The following TLE4 variants were observed in gnomAD, a reference collection of about 807,000 sequenced individuals.
TLE4 encodes the protein TLE family member 4, transcriptional corepressor.
A neutral mutation model predicts 92.8 loss-of-function variants in TLE4; 8 were observed. The ratio of observed to expected loss-of-function variants is 0.09; its 90% CI spans 0.05 to 0.16. The LOEUF is 0.16. TLE4 is among the 10% of genes least tolerant of loss of function. The pLI is 1.00. For missense variants in TLE4, 675 were observed against 997.6 expected (o/e 0.68, Z 4.36); for synonymous variants, 371 against 374.1 (o/e 0.99, Z 0.10).
chr9:79,610,463 G>GGA (rs1451037321), intron 4 of TLE4, among the ~76,000 whole-genome samples: 1 of 152,006 alleles, frequency 6.6e-6, no homozygotes, highest in African/African-American at 2.4e-5. Context: ...GATGACCATG[G>GGA]GAGCAGCAGT....
At chr9:79,704,517 T>C (rs1310923539) in intron 8 of TLE4, 1 of 455,852 alleles carries the variant, frequency 2.2e-6, no homozygotes, top group Non-Finnish European at 3.9e-6. Flanking sequence ...TTTTATTTCC[T>C]CTCCTCCCTC....
chr9:79,719,749 G>A (rs2075262264), intron 15 of TLE4, among the ~76,000 whole-genome samples: 1 of 152,212 alleles, frequency 6.6e-6, no homozygotes, highest in African/African-American at 2.4e-5. Context: ...GTGTGTATCT[G>A]TGTGTGCAAA....
At chr9:79,655,362 T>C (rs946205026) in intron 8 of TLE4, among the ~76,000 whole-genome samples, 2 of 152,218 alleles carry the variant, frequency 1.3e-5, no homozygotes, top group East Asian at 3.9e-4. Flanking sequence ...GAGCTATGTA[T>C]ATGAATGCTA....
intron 8 of TLE4, among the ~76,000 whole-genome samples, chr9:79,667,094 G>A (rs745674612): frequency 3.3e-5 from 5 of 152,130 alleles, no homozygotes; most frequent in Admixed American, 6.5e-5. Flanking sequence ...CTACAGCTGC[G>A]CCCAGATCTA....
At chr9:79,627,320 C>A (rs377250792) in intron 5 of TLE4, 54 bp from the exon 6 acceptor site, 3 of 1,584,496 alleles carry the variant, frequency 1.9e-6, no homozygotes, top group African/African-American at 2.7e-5. Context: ...AAAAGCTGTT[C>A]TTGACTGAGT....
In TLE4 at chr9:79,677,434, T is replaced by C. The variant is rs113177779; in HGVS notation, c.609+23359T>C. Reference sequence around the variant, plus strand: ...GCCAGGCATTGGGCTGTGTGCCTTATGTATGTTGTCTCATTCTAAGATTTC... The same window carrying C: ...GCCAGGCATTGGGCTGTGTGCCTTACGTATGTTGTCTCATTCTAAGATTTC... On this transcript the variant is annotated intron_variant, in intron 8 of 19. Coordinates refer to ENST00000376552, the MANE Select transcript of TLE4 (RefSeq NM_007005.6). Among the ~76,000 whole-genome samples the C allele has an allele frequency of 8.9e-4, 135 of 152,252 alleles. 1 individual carries two copies. The highest frequency in any genetic ancestry group is 2.8e-3 in the African/African-American group (117 of 41,556).
chr9:79,662,889 A>G (rs969789582), intron 8 of TLE4, among the ~76,000 whole-genome samples: 2 of 152,070 alleles, frequency 1.3e-5, no homozygotes, highest in East Asian at 1.9e-4. Flanking sequence ...CTATTGATCT[A>G]TTCACTGGCT....
chr9:79,674,373 T>C (rs1426797788), intron 8 of TLE4, among the ~76,000 whole-genome samples: 1 of 152,138 alleles, frequency 6.6e-6, no homozygotes, highest in Non-Finnish European at 1.5e-5. Context: ...AGAACATAAG[T>C]GATGAGCTGA....
intron 8 of TLE4, among the ~76,000 whole-genome samples, chr9:79,660,731 A>AAAAATG (rs2060410686): frequency 6.6e-6 from 1 of 152,204 alleles, no homozygotes. Context: ...AGGTGTCCTA[A>AAAAATG]TTCTAGAAAA....
At chr9:79,651,543 AAC>A (rs2058993058) in intron 6 of TLE4, among the ~76,000 whole-genome samples, 1 of 152,214 alleles carries the variant, frequency 6.6e-6, no homozygotes, top group Admixed American at 6.5e-5. Flanking sequence ...AACCTGTCAC[AAC>A]ACAGAGTCGG....
chr9:79,637,879 T>C (rs1205647782), intron 6 of TLE4, among the ~76,000 whole-genome samples: 1 of 152,016 alleles, frequency 6.6e-6, no homozygotes, highest in East Asian at 1.9e-4. Context: ...GAGAGGAGTA[T>C]GTATAGTTTT....
intron 5 of TLE4, among the ~76,000 whole-genome samples, chr9:79,613,500 G>T (rs2048829335): frequency 6.6e-6 from 1 of 152,090 alleles, no homozygotes; most frequent in African/African-American, 2.4e-5. Flanking sequence ...ACTGGAAAAA[G>T]ATAATTTTTT....
intron 6 of TLE4, chr9:79,649,675 T>G: frequency 2.0e-6 from 1 of 510,752 alleles, no homozygotes. Context: ...AAGAAGCTCA[T>G]TTTAGAACTG....
intron 11 of TLE4, 126 bp downstream of exon 11, chr9:79,707,025 G>T (rs147810810): frequency 6.4e-7 from 1 of 1,560,120 alleles, no homozygotes; most frequent in Non-Finnish European, 8.8e-7. Context: ...ATATATGTTC[G>T]GTATTTAAGT....
chr9:79,709,801 A>G (rs996915148), intron 14 of TLE4, 102 bp downstream of exon 14: 8 of 873,032 alleles, frequency 9.2e-6, no homozygotes, highest in African/African-American at 1.7e-5. Flanking sequence ...GGGAGTTCCC[A>G]TGACTTGTAT....
At position 79,572,742 on chromosome 9, in the gene TLE4, C is replaced by T. The variant is rs1481269854; in HGVS notation, c.-49C>T. On this transcript the variant is annotated 5_prime_UTR_variant, in exon 1 of 20. Coordinates refer to ENST00000376552, the MANE Select transcript of TLE4 (RefSeq NM_007005.6). ...CGCCTCCTCTTCGGGGTCATTAAAG[C>T]CAATGAGCCGCGCGCCTCTGCCGAG... 1.3e-6 allele frequency: 2 copies of T among 1,585,960 alleles called. No individual in the cohort carries two copies. The highest frequency in any genetic ancestry group is 1.7e-6 in the Non-Finnish European group (2 of 1,166,456).
At chr9:79,714,929 C>T (rs1156896181) in intron 14 of TLE4, among the ~76,000 whole-genome samples, 1 of 152,298 alleles carries the variant, frequency 6.6e-6, no homozygotes, top group South Asian at 2.1e-4. Flanking sequence ...AAGAGTTTAT[C>T]GAAATCTGAT....
At chr9:79,700,585 C>A (rs1370076814) in intron 8 of TLE4, among the ~76,000 whole-genome samples, 1 of 152,152 alleles carries the variant, frequency 6.6e-6, no homozygotes, top group Non-Finnish European at 1.5e-5. Flanking sequence ...TTAAAGCTTA[C>A]CTTTTGCTAC....
At chr9:79,698,583 T>G (rs2068875667) in intron 8 of TLE4, among the ~76,000 whole-genome samples, 1 of 152,070 alleles carries the variant, frequency 6.6e-6, no homozygotes, top group Non-Finnish European at 1.5e-5. Context: ...CTGTGAGAGT[T>G]TTATACAGAT....
Sources: gnomAD v4.1 joint callset for allele counts (sites outside exome capture counted in the v4.1 genomes callset) on GRCh38, gnomAD v4.1.1 for gene constraint, MANE v1.5 for transcripts, NCBI Gene and HGNC (gene_info 2026-07-23, HGNC 2026-07-21) for gene names.